ERAP2: variants seen among roughly 807,000 people sequenced by gnomAD.
The protein encoded by ERAP2 is leukocyte-derived arginine aminopeptidase.
ERAP2 carries 118 observed loss-of-function variants against 111.1 expected under a neutral mutation model. The observed-to-expected ratio is 1.06, with a 90% confidence interval of 0.92 to 1.24. ERAP2 has a LOEUF of 1.24. Among genes scored for constraint, ERAP2 ranks in the 50% most tolerant of loss-of-function variants. The pLI is 0.00. For missense variants in ERAP2, 1,131 were observed against 1,125.8 expected (o/e 1.00, Z -0.07); for synonymous variants, 410 against 401.2 (o/e 1.02, Z -0.26).
chr5:96,891,186 T>C (rs1296181549), intron 5 of ERAP2, among the ~76,000 whole-genome samples: 1 of 152,126 alleles, frequency 6.6e-6, no homozygotes, highest in East Asian at 1.9e-4. Context: ...AGTGACTTGG[T>C]TCATTTCAAA....
Position 96,907,878 on chromosome 5 carries a change from T to C in ERAP2, c.2013-1083T>C, listed in dbSNP as rs1259222691. Among the ~76,000 whole-genome samples the C allele has an allele frequency of 4.4e-5, 4 of 90,022 alleles. No homozygotes were observed. The East Asian group carries it at 1.2e-3, about 26-fold the overall frequency. The allele number at this position is 90,022 out of a possible 152,430, so 59.1% of individuals were successfully genotyped here. A position where few individuals can be genotyped will look rare whatever the true frequency, so the allele number is the denominator to read the frequency against. On this transcript the variant is annotated intron_variant, in intron 13 of 18. Transcript: ENST00000437043. ...AGCCTGGGTGACAAGAGCAAAACTC[T>C]GTCTCAAAAAAAAAAAATATATATA...
chr5:96,886,673 G>T lies in ERAP2; in HGVS notation c.733G>T (p.Glu245Ter), dbSNP rs1783754208. Residue 245 changes from glutamate to a stop codon, truncating the protein, a stop_gained, in exon 4 of 19, where the codon GAA (glutamate) becomes TAA (stop). Transcript: ENST00000437043. LOFTEE classifies it high-confidence loss of function. ...NMPKVKTIEL[E>*]GGLLEDHFET... is the part of the protein sequence containing the mutation. ...TCTGTAGGTTAAGACAATTGAACTT[G>T]AAGGAGGTCTTTTGGAAGATCACTT... The T allele has an allele frequency of 6.5e-7, 1 of 1,541,892 alleles. No homozygotes were observed. The highest frequency in any genetic ancestry group is 2.3e-5 in the East Asian group (1 of 43,440).
chr5:96,908,323 T>G (rs988076519), intron 13 of ERAP2, among the ~76,000 whole-genome samples: 3 of 152,220 alleles, frequency 2.0e-5, no homozygotes. Context: ...CTACAGAAGA[T>G]GCCCCAGCAT....
chr5:96,882,556 C>T (rs1446514570), intron 2 of ERAP2, among the ~76,000 whole-genome samples: 1 of 152,176 alleles, frequency 6.6e-6, no homozygotes, highest in Non-Finnish European at 1.5e-5. Flanking sequence ...GAAAGTGGTT[C>T]TTTTGAGATG....
At position 96,912,723 on chromosome 5, in the gene ERAP2, T is replaced by C. The variant is rs1359104934; in HGVS notation, c.2441T>C (p.Leu814Pro). The C allele has an allele frequency of 6.2e-7, 1 of 1,603,506 alleles. No homozygotes were observed. Among genetic ancestry groups the C allele is most frequent in the Non-Finnish European group, 8.5e-7 (1 of 1,177,120 alleles). ...GWNYLLEQYE[L>P]SMSSAEQNKI... is the part of the protein sequence containing the mutation. ...AATTACCTTTTAGAGCAATATGAAC[T>C]GTCAATGTCAAGTGCTGAACAAAAC... is the stretch of plus-strand genomic sequence containing the variant. Residue 814 changes from leucine to proline, a missense_variant, in exon 16 of 19, where the codon CTG (leucine) becomes CCG (proline). This residue lies in a region of ERAP2 where 279 missense variants were observed against 250.9 expected (regional missense o/e 1.11). Transcript: ENST00000437043.
chr5:96,912,649 T>C lies in ERAP2; in HGVS notation c.2367T>C (p.Asp789=). The change falls in exon 16 of 19, where the codon GAT becomes GAC. Residue 789 remains aspartate, a synonymous_variant. Transcript: ENST00000437043. The part of the protein sequence containing the change: ...ESSGKLNIPT[D]VLKIVYSVGA... ...CTTGATATTACAGTATACCAACAGATGTTTTAAAGATTGTGTATTCTGTGG... is the reference window on the plus strand; with the variant it reads ...CTTGATATTACAGTATACCAACAGACGTTTTAAAGATTGTGTATTCTGTGG... 6.2e-7 allele frequency: 1 copy of C among 1,608,674 alleles called. No individual in the cohort carries two copies.
At chr5:96,881,378 G>A (rs1259939936) in intron 2 of ERAP2, 3 of 455,522 alleles carry the variant, frequency 6.6e-6, no homozygotes, top group Non-Finnish European at 1.3e-5. Flanking sequence ...AAACAACAGA[G>A]ATTGCTGACA....
At chr5:96,901,809 G>A in intron 11 of ERAP2, 128 bp downstream of exon 11, 1 of 901,392 alleles carries the variant, frequency 1.1e-6, no homozygotes, top group South Asian at 1.8e-5. Flanking sequence ...AAGGCCTAAA[G>A]TAGACTTGAT....
At position 96,913,458 on chromosome 5, in the gene ERAP2, G is replaced by A. The variant is rs754582668; in HGVS notation, c.2657+1G>A. On this transcript the variant is annotated splice_donor_variant, in intron 17 of 18. Transcript: ENST00000437043. LOFTEE classifies it high-confidence loss of function. ...AAAATTGGACCCATCTTCTGAAAAA[G>A]TTGGTATTCATTTTCATCCAATGTT... is the stretch of plus-strand genomic sequence containing the variant. The A allele has an allele frequency of 6.2e-7, 1 of 1,613,754 alleles. No homozygotes were observed. The highest frequency in any genetic ancestry group is 1.3e-5 in the African/African-American group (1 of 74,908).
In ERAP2 at chr5:96,903,369, C is replaced by A. The variant is rs766446619; in HGVS notation, c.1829-8C>A. 2.5e-6 allele frequency: 4 copies of A among 1,598,028 alleles called. No homozygotes were observed. In the East Asian group the frequency reaches 9.0e-5, roughly 36 times the overall value. On this transcript the variant is annotated splice_region_variant and splice_polypyrimidine_tract_variant and intron_variant, in intron 12 of 18. Transcript: ENST00000437043. ...AATAAAATGCCTATGCCAATCTTAT[C>A]CTCTTAGATACTCTGGATCTACCTG...
chr5:96,909,307 C>A (rs1786449705), intron 14 of ERAP2, among the ~76,000 whole-genome samples, 190 bp downstream of exon 14: 1 of 152,176 alleles, frequency 6.6e-6, no homozygotes, highest in South Asian at 2.1e-4. Context: ...ATACCAGGAT[C>A]ATGTGCAAAA....
chr5:96,904,204 G>A (rs1466357891), intron 13 of ERAP2, among the ~76,000 whole-genome samples: 6 of 152,142 alleles, frequency 3.9e-5, no homozygotes, highest in Non-Finnish European at 7.3e-5. Flanking sequence ...TTTCCTGGAA[G>A]GACAAAGTGT....
intron 18 of ERAP2, among the ~76,000 whole-genome samples, chr5:96,916,483 G>A (rs1484432707): frequency 7.8e-6 from 1 of 128,624 alleles, no homozygotes; most frequent in Non-Finnish European, 1.6e-5. Flanking sequence ...TTTTTTTGAG[G>A]CGGAGTCTTG....
chr5:96,880,574 CAAAG>C (rs1783020597), intron 2 of ERAP2, among the ~76,000 whole-genome samples: 1 of 152,028 alleles, frequency 6.6e-6, no homozygotes, highest in African/African-American at 2.4e-5. Flanking sequence ...GAATGCTTCT[CAAAG>C]GAAGTGAGTC....
intron 9 of ERAP2, among the ~76,000 whole-genome samples, chr5:96,897,913 A>G (rs550848532): frequency 1.2e-4 from 18 of 152,300 alleles, no homozygotes; most frequent in African/African-American, 4.3e-4. Context: ...AGACACTTTC[A>G]TGGCCGGGTA....
chr5:96,887,100 T>C (rs937452740), intron 4 of ERAP2, among the ~76,000 whole-genome samples: 196 of 137,432 alleles, frequency 1.4e-3, no homozygotes, highest in African/African-American at 4.7e-3. Context: ...TATATATATA[T>C]ACACACACAC....
Position 96,909,054 on chromosome 5 carries a change from C to T in ERAP2, c.2106C>T (p.Tyr702=). Reference sequence around the variant, plus strand: ...CCGCACTTCTCGAAGGTCTGAGTTACTTGGAATCGTTTTACCACATGATGG... The same window carrying T: ...CCGCACTTCTCGAAGGTCTGAGTTATTTGGAATCGTTTTACCACATGATGG... ...SSPALLEGLS[Y]LESFYHMMDR... is the part of the protein sequence containing the mutation. Residue 702 remains tyrosine, a synonymous_variant, in exon 14 of 19, where the codon TAC becomes TAT. Transcript: ENST00000437043. The T allele has an allele frequency of 6.2e-7, 1 of 1,614,162 alleles. No individual in the cohort carries two copies. The highest frequency in any genetic ancestry group is 8.5e-7 in the Non-Finnish European group (1 of 1,179,998).
chr5:96,891,894 C>T (rs1049617352), intron 5 of ERAP2, among the ~76,000 whole-genome samples: 5 of 152,182 alleles, frequency 3.3e-5, no homozygotes, highest in East Asian at 3.9e-4. Flanking sequence ...GTTCATTATA[C>T]GTTTTGATGA....
In ERAP2 at chr5:96,879,718, C is replaced by T. The variant is rs147137411; in HGVS notation, c.33C>T (p.His11=). Residue 11 remains histidine, a synonymous_variant, in exon 2 of 19, where the codon CAC becomes CAT. Transcript: ENST00000437043. MFHSSAMVNS[H]RKPMFNIHRG... is the part of the protein sequence containing the mutation. Reference sequence around the variant, plus strand: ...ATTCTTCTGCAATGGTTAATTCACACAGAAAACCAATGTTTAACATTCACA... The same window carrying T: ...ATTCTTCTGCAATGGTTAATTCACATAGAAAACCAATGTTTAACATTCACA... 80 of 1,614,114 alleles carry T rather than the reference C, an allele frequency of 5.0e-5. No homozygotes were observed. The African/African-American group carries it at 5.3e-4, about 11-fold the overall frequency.
Sources: allele counts gnomAD v4.1 joint callset (sites outside exome capture counted in the v4.1 genomes callset), GRCh38; gene constraint gnomAD v4.1.1; regional missense constraint gnomAD v4.1.1; transcripts MANE v1.5; gene names NCBI Gene and HGNC (gene_info 2026-07-23, HGNC 2026-07-21).